DNAI2: variants seen among roughly 807,000 people sequenced by gnomAD.
DNAI2 encodes the protein dynein, axonemal, intermediate polypeptide 2.
In DNAI2, 63 loss-of-function variants were observed where a neutral mutation model predicts 74.7. The ratio of observed to expected loss-of-function variants is 0.84; its 90% confidence interval spans 0.69 to 1.04. DNAI2 has a LOEUF of 1.04. DNAI2 is among the 50% of genes least tolerant of loss of function. The pLI is 0.00. For synonymous variants in DNAI2, 289 were observed against 314.9 expected, an observed-to-expected ratio of 0.92 and a Z score of 0.87; for missense variants, 688 against 803.2, an observed-to-expected ratio of 0.86 and a Z score of 1.73.
intron 1 of DNAI2, 154 bp from the exon 2 acceptor site, chr17:74,281,653 A>T: frequency 1.5e-6 from 1 of 677,884 alleles, no homozygotes; most frequent in African/African-American, 1.8e-5. Context: ...TTTAATGCGG[A>T]TGCAGCTTCT....
chr17:74,281,819 TGGAGATTGTGTA>T lies in DNAI2; in HGVS notation c.3_14del (p.MetGluIleValTyr1_?5). ...CTCTGCCCCCCAGCAGCCGGCACCA[TGGAGATTGTGTA>T]CGTGTACGTCAAGAAGCGCAGCGAG... On this transcript the variant is annotated start_lost and inframe_deletion, in exon 2 of 14. Coordinates refer to ENST00000311014, the MANE Select transcript of DNAI2 (RefSeq NM_023036.6). 2 of 1,611,344 alleles carry T rather than the reference TGGAGATTGTGTA, an allele frequency of 1.2e-6. No individual in the cohort carries two copies. Among genetic ancestry groups the T allele is most frequent in the Non-Finnish European group, 1.7e-6 (2 of 1,178,148 alleles).
intron 8 of DNAI2, among the ~76,000 whole-genome samples, chr17:74,303,596 A>AT (rs542455902): frequency 0.16 from 21,185 of 132,732 alleles, 2,862 homozygotes; most frequent in African/African-American, 0.38. Flanking sequence ...AGCCAGGCTG[A>AT]TTTTTTTTTT....
At chr17:74,304,179 C>CTTT (rs1274454696) in intron 8 of DNAI2, among the ~76,000 whole-genome samples, 2 of 101,942 alleles carry the variant, frequency 2.0e-5, no homozygotes, top group Non-Finnish European at 2.1e-5. Context: ...TTTTCTTTTT[C>CTTT]TTTTTTCTTT....
chr17:74,285,218 C>T lies in DNAI2; in HGVS notation c.345+17C>T, dbSNP rs1469826176. On this transcript the variant is annotated intron_variant, in intron 3 of 13. Transcript: ENST00000311014. ...CTCGGCTCTGTAAGGCTTCCTCCTG[C>T]CCCAGCTGCAAGAGCCCCATCCATC... 1 of 1,612,800 alleles carries T rather than the reference C, an allele frequency of 6.2e-7. No homozygotes were observed.
chr17:74,287,799 A>C (rs769735489), intron 4 of DNAI2, among the ~76,000 whole-genome samples: 10 of 152,224 alleles, frequency 6.6e-5, no homozygotes, highest in Non-Finnish European at 1.5e-4. Flanking sequence ...TACTAAAAAT[A>C]CAAAAATTAA....
intron 9 of DNAI2, among the ~76,000 whole-genome samples, chr17:74,306,139 G>A (rs1330971049): frequency 6.6e-6 from 1 of 152,244 alleles, no homozygotes; most frequent in Non-Finnish European, 1.5e-5. Flanking sequence ...AGGAAGCTTG[G>A]CTGGGAAATG....
rs186377537 is a variant in DNAI2, at chr17:74,281,754, T to C, written c.-11-53T>C. 5.1e-5 allele frequency: 80 copies of C among 1,581,268 alleles called. No homozygotes were observed. The East Asian group carries it at 1.1e-3, about 23-fold the overall frequency. ...GCTGTCCTGGCAGGACCTGTGGAGA[T>C]AGGGAAGGGGCCGGTGGGGTCCCTC... On this transcript the variant is annotated intron_variant, in intron 1 of 13. Transcript: ENST00000311014.
chr17:74,287,350 G>A (rs2051815654), intron 4 of DNAI2, among the ~76,000 whole-genome samples: 1 of 152,250 alleles, frequency 6.6e-6, no homozygotes, highest in Non-Finnish European at 1.5e-5. Flanking sequence ...GGTGGGGCAT[G>A]TTCCTGCAGG....
intron 9 of DNAI2, among the ~76,000 whole-genome samples, chr17:74,308,524 T>C (rs533307113): frequency 6.6e-6 from 1 of 152,060 alleles, no homozygotes; most frequent in Non-Finnish European, 1.5e-5. Flanking sequence ...CCCAGAGCCC[T>C]TTCTTTATTT....
intron 3 of DNAI2, among the ~76,000 whole-genome samples, chr17:74,286,600 T>C (rs2051755925): frequency 6.6e-6 from 1 of 151,946 alleles, no homozygotes; most frequent in Non-Finnish European, 1.5e-5. Context: ...TTCTTTTGTA[T>C]TTTTGGTAGA....
At chr17:74,297,681 C>A (rs2052529267) in intron 6 of DNAI2, among the ~76,000 whole-genome samples, 1 of 151,858 alleles carries the variant, frequency 6.6e-6, no homozygotes, top group Non-Finnish European at 1.5e-5. Flanking sequence ...CAAGCCCAGC[C>A]CAAACTGCTT....
At chr17:74,310,604 T>C (rs2053470352) in intron 11 of DNAI2, among the ~76,000 whole-genome samples, 1 of 151,702 alleles carries the variant, frequency 6.6e-6, no homozygotes, top group Non-Finnish European at 1.5e-5. Context: ...AATGGTGAGA[T>C]CTAGGCTCAC....
chr17:74,285,269 G>A, intron 3 of DNAI2, 68 bp downstream of exon 3: 5 of 1,576,486 alleles, frequency 3.2e-6, no homozygotes, highest in African/African-American at 1.3e-5. Flanking sequence ...GGGATGCACT[G>A]CCCCAGCTGT....
At chr17:74,312,597 T>C (rs973636240) in intron 12 of DNAI2, among the ~76,000 whole-genome samples, 10 of 152,122 alleles carry the variant, frequency 6.6e-5, no homozygotes, top group African/African-American at 2.2e-4. Flanking sequence ...GAATGGGCCT[T>C]GAGACCCCTG....
intron 10 of DNAI2, chr17:74,309,619 T>A: frequency 1.4e-6 from 1 of 706,388 alleles, no homozygotes; most frequent in Non-Finnish European, 2.5e-6. Context: ...CAGAACCACC[T>A]GGGGGAAATT....
intron 3 of DNAI2, among the ~76,000 whole-genome samples, chr17:74,286,386 C>A (rs2051740721): frequency 6.6e-6 from 1 of 150,602 alleles, no homozygotes; most frequent in Non-Finnish European, 1.5e-5. Context: ...TCATTATTGG[C>A]CTTCATGTTT....
At chr17:74,289,804 G>T (rs540994651) in intron 5 of DNAI2, 68 bp downstream of exon 5, 6 of 1,602,966 alleles carry the variant, frequency 3.7e-6, no homozygotes, top group Non-Finnish European at 5.1e-6. Flanking sequence ...GTGGAGGAGC[G>T]GGAGGGAGGG....
intron 5 of DNAI2, among the ~76,000 whole-genome samples, chr17:74,290,409 A>G (rs185918219): frequency 1.3e-5 from 2 of 152,330 alleles, no homozygotes; most frequent in African/African-American, 4.8e-5. Context: ...CTGTCCTGAC[A>G]CTTGCCTTTA....
chr17:74,279,539 TG>T (rs2051278220), intron 1 of DNAI2, among the ~76,000 whole-genome samples: 1 of 152,154 alleles, frequency 6.6e-6, no homozygotes. Context: ...CACGTAATCC[TG>T]TTTTTGAGAT....
Sources: gnomAD v4.1 joint callset for allele counts (sites outside exome capture counted in the v4.1 genomes callset) on GRCh38, gnomAD v4.1.1 for gene constraint, MANE v1.5 for transcripts, NCBI Gene and HGNC (gene_info 2026-07-23, HGNC 2026-07-21) for gene names.